Variants in VPS13B observed in about 807,000 individuals in gnomAD.
The protein encoded by VPS13B is vacuolar protein sorting 13 homolog B, also known as intermembrane lipid transfer protein VPS13B.
VPS13B carries 285 observed loss-of-function variants against 426.4 expected under a neutral mutation model. That is an observed-to-expected ratio of 0.67 (90% confidence interval 0.61 to 0.74). VPS13B has a LOEUF of 0.74. Among genes scored for constraint, VPS13B ranks in the 30% least tolerant of loss-of-function variants. The pLI is 0.00. For synonymous variants in VPS13B, 1,676 were observed against 1,676.4 expected (o/e 1.00, Z 0.01); for missense variants, 4,537 against 4,782.6 (o/e 0.95, Z 1.51).
chr8:99,535,338 G>A (rs1286211365), intron 30 of VPS13B, among the ~76,000 whole-genome samples: 4 of 152,066 alleles, frequency 2.6e-5, no homozygotes, highest in African/African-American at 7.2e-5. Flanking sequence ...GTTCACTGAG[G>A]TCACTGTCCT....
Position 99,589,555 on chromosome 8 carries a change from A to G in VPS13B, c.5220+11922A>G, listed in dbSNP as rs971109606. ...TGAACTCATCTTTTTTTATGGCTGC[A>G]TAGGATTCCATGGTGTATATGTGCC... On this transcript the variant is annotated intron_variant, in intron 33 of 61. Transcript: ENST00000357162. Among the ~76,000 whole-genome samples, 14 of 151,742 alleles carry G rather than the reference A, an allele frequency of 9.2e-5. No homozygotes were observed. In the East Asian group the frequency reaches 2.3e-3, roughly 25 times the overall value.
Position 99,143,134 on chromosome 8 carries a change from T to C in VPS13B, c.1812T>C (p.His604=), listed in dbSNP as rs781734849. ...ILKMIVCALE[H]EYEPYSRLKS... Reference sequence around the variant, plus strand: ...AAATGATTGTGTGTGCCTTGGAACATGAATATGAACCATATAGCAGGCTAA... The same window carrying C: ...AAATGATTGTGTGTGCCTTGGAACACGAATATGAACCATATAGCAGGCTAA... The change falls in exon 13 of 62, where the codon CAT becomes CAC. Residue 604 remains histidine, a synonymous_variant. Transcript: ENST00000357162. 5.0e-6 allele frequency: 8 copies of C among 1,614,016 alleles called. No homozygotes were observed. The highest frequency in any genetic ancestry group is 4.4e-5 in the South Asian group (4 of 91,080).
At chr8:99,506,214 C>T (rs900169965) in intron 27 of VPS13B, among the ~76,000 whole-genome samples, 2 of 152,106 alleles carry the variant, frequency 1.3e-5, no homozygotes, top group African/African-American at 2.4e-5. Flanking sequence ...TGATGACTCT[C>T]ATCTCACAGA....
intron 17 of VPS13B, among the ~76,000 whole-genome samples, chr8:99,236,786 G>T (rs1009865254): frequency 6.6e-6 from 1 of 152,164 alleles, no homozygotes; most frequent in African/African-American, 2.4e-5. Flanking sequence ...GAAAAAAGAG[G>T]CATTGCTCAC....
At chr8:99,215,145 A>G (rs1815314799) in intron 17 of VPS13B, among the ~76,000 whole-genome samples, 1 of 152,132 alleles carries the variant, frequency 6.6e-6, no homozygotes, top group Non-Finnish European at 1.5e-5. Flanking sequence ...TCTAAAGATG[A>G]TAAGTGTTGT....
At chr8:99,193,171 C>A in intron 17 of VPS13B, 114 bp downstream of exon 17, 4 of 1,064,186 alleles carry the variant, frequency 3.8e-6, no homozygotes, top group African/African-American at 3.2e-5. Context: ...TAATATGTTT[C>A]TTTGAATGTA....
chr8:99,476,381 C>T (rs964995558), intron 24 of VPS13B, among the ~76,000 whole-genome samples: 2 of 150,856 alleles, frequency 1.3e-5, no homozygotes, highest in African/African-American at 4.9e-5. Flanking sequence ...TCTTTGGATG[C>T]TTTCAAAATT....
intron 33 of VPS13B, among the ~76,000 whole-genome samples, chr8:99,590,191 T>A (rs1220143387): frequency 6.6e-6 from 1 of 152,192 alleles, no homozygotes; most frequent in African/African-American, 2.4e-5. Context: ...ATATCACCTT[T>A]ATCATTTTTT....
intron 16 of VPS13B, among the ~76,000 whole-genome samples, chr8:99,183,982 T>A (rs1297680146): frequency 6.6e-6 from 1 of 152,216 alleles, no homozygotes; most frequent in African/African-American, 2.4e-5. Context: ...CTAGACATGT[T>A]CTGTCCCTGG....
intron 16 of VPS13B, among the ~76,000 whole-genome samples, chr8:99,175,955 A>G (rs560908222): frequency 2.0e-5 from 3 of 152,124 alleles, no homozygotes; most frequent in African/African-American, 7.2e-5. Context: ...TTTTGTTGCT[A>G]CTGCGGTGAG....
rs73702018 is a variant in VPS13B, at chr8:99,479,535, A to C, written c.3667-2064A>C. 4.4e-3 allele frequency among the ~76,000 whole-genome samples: 663 copies of C among 152,312 alleles called. 5 individuals are homozygous for C. The highest frequency in any genetic ancestry group is 0.015 in the African/African-American group (615 of 41,568). On this transcript the variant is annotated intron_variant, in intron 24 of 61. Coordinates refer to ENST00000357162, the MANE Select transcript of VPS13B (RefSeq NM_152564.5). The stretch of plus-strand genomic sequence containing the variant: ...ATTTGTTAAGATTTGGCATACATAC[A>C]CACATGAAACTACGCCCACAATCTA...
In VPS13B at chr8:99,699,914, G is replaced by C. The variant is rs1396226699; in HGVS notation, c.6436G>C (p.Ala2146Pro). Reference sequence around the variant, plus strand: ...CCTCAATGGAAGCCTTAGTGTCAAGGCAACACAAAAAGTACCTGGTAAGTC... The same window carrying C: ...CCTCAATGGAAGCCTTAGTGTCAAGCCAACACAAAAAGTACCTGGTAAGTC... ...SNLNGSLSVK[A>P]TQKVPGIILG... Residue 2146 changes from alanine (A) to proline (P), a missense_variant, in exon 36 of 62, where the codon GCA becomes CCA. Transcript: ENST00000357162. 1 of 1,613,680 alleles carries C rather than the reference G, an allele frequency of 6.2e-7. No individual in the cohort carries two copies. Among genetic ancestry groups the C allele is most frequent in the South Asian group, 1.1e-5 (1 of 91,012 alleles).
rs116711715 is a variant in VPS13B, at chr8:99,575,568, A to T, written c.4950-90A>T. 1.0e-3 allele frequency: 1,556 copies of T among 1,521,784 alleles called. 13 individuals carry two copies. In the African/African-American group the frequency reaches 0.02, roughly 19 times the overall value. 94.3% of individuals were successfully genotyped at this position (1,521,784 alleles called of 1,614,324 possible). On this transcript the variant is annotated intron_variant, in intron 31 of 61. Transcript: ENST00000357162. ...AAATAATAATGTAATTTTGCCATAC[A>T]TGTTTGTAGTACAAAGACTTGTACA...
intron 19 of VPS13B, among the ~76,000 whole-genome samples, chr8:99,306,995 T>A (rs574181211): frequency 6.6e-6 from 1 of 152,222 alleles, no homozygotes; most frequent in East Asian, 1.9e-4. Context: ...AAGCTGTAAT[T>A]AATTAACTCG....
chr8:99,798,018 C>T (rs539490479), intron 43 of VPS13B, among the ~76,000 whole-genome samples: 8 of 151,962 alleles, frequency 5.3e-5, no homozygotes, highest in Admixed American at 2.6e-4. Flanking sequence ...CCTTTGCTCC[C>T]GAGTGGCAGT....
At chr8:99,257,514 T>C (rs1436089202) in intron 17 of VPS13B, among the ~76,000 whole-genome samples, 1 of 152,070 alleles carries the variant, frequency 6.6e-6, no homozygotes, top group Non-Finnish European at 1.5e-5. Context: ...TCCAGTGTGT[T>C]CTTTACCAAC....
At chr8:99,291,814 C>T (rs1336671770) in intron 19 of VPS13B, among the ~76,000 whole-genome samples, 1 of 152,000 alleles carries the variant, frequency 6.6e-6, no homozygotes, top group Non-Finnish European at 1.5e-5. Flanking sequence ...TTTCAATTAG[C>T]TTACATTGTT....
intron 29 of VPS13B, among the ~76,000 whole-genome samples, chr8:99,515,522 CT>C (rs1309154203): frequency 3.3e-5 from 5 of 152,046 alleles, no homozygotes; most frequent in Non-Finnish European, 7.4e-5. Context: ...TAGGTACTTC[CT>C]AAGGTCACCT....
chr8:99,796,228 C>T (rs1013880278), intron 43 of VPS13B, among the ~76,000 whole-genome samples: 2 of 151,890 alleles, frequency 1.3e-5, no homozygotes, highest in East Asian at 1.9e-4. Context: ...TTGTATTTGG[C>T]GATTGGAACA....
Sources: gnomAD v4.1 joint callset for allele counts (sites outside exome capture counted in the v4.1 genomes callset) on GRCh38, gnomAD v4.1.1 for gene constraint, MANE v1.5 for transcripts, NCBI Gene and HGNC (gene_info 2026-07-23, HGNC 2026-07-21) for gene names.